Variants in ZNF681 observed in about 807,000 individuals in gnomAD.
ZNF681 encodes the protein zinc finger protein 681.
ZNF681 carries 37 observed loss-of-function variants against 56.0 expected under a neutral mutation model. The observed-to-expected ratio is 0.66, with a 90% CI of 0.51 to 0.87. The LOEUF (loss-of-function observed/expected upper bound fraction) is 0.87, where lower values mean the gene tolerates loss of function less well. ZNF681 is among the 40% of genes least tolerant of loss of function. The probability of loss-of-function intolerance (pLI) is 0.00; values close to 1 mark genes in which losing one functional copy is unlikely to be tolerated. For synonymous variants in ZNF681, 225 were observed against 248.6 expected (o/e 0.91, Z 0.89); for missense variants, 741 against 744.9 (o/e 0.99, Z 0.06).
In ZNF681 at chr19:23,739,276, T is replaced by A. The variant is rs1424089346; in HGVS notation, c.*4336A>T. 1 of 152,048 alleles carries A rather than the reference T, an allele frequency of 6.6e-6. No homozygotes were observed. The highest frequency in any genetic ancestry group is 1.5e-5 in the Non-Finnish European group (1 of 68,024). The allele number at this position is 152,048 out of a possible 1,614,324, so 9.4% of individuals were successfully genotyped here. A position where few individuals can be genotyped will look rare whatever the true frequency, so the allele number is the denominator to read the frequency against. Reference sequence around the variant, plus strand: ...TTTCACTTACATGATTCTAGAAAAATTAATCTAACTGAAGTGGAGAATAAA... The same window carrying A: ...TTTCACTTACATGATTCTAGAAAAAATAATCTAACTGAAGTGGAGAATAAA... On this transcript the variant is annotated 3_prime_UTR_variant, in exon 4 of 4. Transcript: ENST00000402377.
chr19:23,745,265 G>C lies in ZNF681; in HGVS notation c.285C>G (p.Phe95Leu), dbSNP rs1224918527. The change falls in exon 4 of 4, where the codon TTC becomes TTG. Residue 95 changes from phenylalanine (F) to leucine (L), a missense_variant. Physicochemically the swap from Phe to Leu is conservative, Grantham distance 22 (BLOSUM62 0). Transcript: ENST00000402377. ...FSPEQNIKDSFQKVTPRRYGK... is the reference protein window; with the variant it reads ...FSPEQNIKDSLQKVTPRRYGK... ...CATATCTTCTTGGTGTCACTTTTTG[G>C]AAAGAATCTTTTATGTTCTGCTCTG... The C allele has an allele frequency of 6.2e-7, 1 of 1,601,742 alleles. No individual in the cohort carries two copies. The highest frequency in any genetic ancestry group is 2.2e-5 in the East Asian group (1 of 44,748).
chr19:23,758,406 G>A (rs1969157040), intron 1 of ZNF681, among the ~76,000 whole-genome samples: 1 of 152,160 alleles, frequency 6.6e-6, no homozygotes, highest in African/African-American at 2.4e-5. Context: ...GACTAGGAAC[G>A]CCACGGACCA....
At chr19:23,755,315 G>A in intron 2 of ZNF681, 110 bp downstream of exon 2, 1 of 1,339,986 alleles carries the variant, frequency 7.5e-7, no homozygotes, top group Non-Finnish European at 1.0e-6. Context: ...ATAAAAACAG[G>A]GATCTGAAAC....
At position 23,754,835 on chromosome 19, in the gene ZNF681, C is replaced by T. The variant is rs1258234287; in HGVS notation, c.214G>A (p.Ala72Thr). Residue 72 changes from alanine to threonine, a missense_variant, in exon 3 of 4, where the codon GCC (alanine) becomes ACC (threonine). Coordinates refer to ENST00000402377, the MANE Select transcript of ZNF681 (RefSeq NM_138286.3). ...CACTCTCACCTACCTGGGGGTTCGG[C>T]CACCATCCTATGTCTCTTTCTAGTC... Reference protein sequence around the residue: ...PWTRKRHRMVAEPPVICSHFA... With the variant: ...PWTRKRHRMVTEPPVICSHFA... The T allele has an allele frequency of 1.9e-6, 3 of 1,613,918 alleles. No homozygotes were observed. The highest frequency in any genetic ancestry group is 2.5e-6 in the Non-Finnish European group (3 of 1,179,978).
intron 3 of ZNF681, among the ~76,000 whole-genome samples, chr19:23,748,711 C>T (rs760339026): frequency 1.9e-4 from 29 of 151,876 alleles, no homozygotes; most frequent in Middle Eastern, 3.4e-3. Context: ...CTTAAATGGA[C>T]TAATAATTGA....
At chr19:23,745,599 T>C (rs971417870) in intron 3 of ZNF681, among the ~76,000 whole-genome samples, 4 of 151,838 alleles carry the variant, frequency 2.6e-5, no homozygotes, top group Non-Finnish European at 4.4e-5. Flanking sequence ...ATTACAGGCA[T>C]GTGCCACCAT....
chr19:23,756,861 A>C (rs1325410616), intron 1 of ZNF681, among the ~76,000 whole-genome samples: 1 of 152,068 alleles, frequency 6.6e-6, no homozygotes, highest in Non-Finnish European at 1.5e-5. Context: ...ATGATAATAA[A>C]AATTATACAA....
chr19:23,744,358 C>T lies in ZNF681; in HGVS notation c.1192G>A (p.Glu398Lys), dbSNP rs1968910331. The change falls in exon 4 of 4, where the codon GAA becomes AAA. Residue 398 changes from glutamate to lysine, a missense_variant. By Grantham distance (56) the Glu-to-Lys change is moderately conservative. Transcript: ENST00000402377. ...GACTTGTTAAAAGCTTTGCCACATTCTTCACATTTGTAGGGTTTCTCTCCA... is the reference window on the plus strand; with the variant it reads ...GACTTGTTAAAAGCTTTGCCACATTTTTCACATTTGTAGGGTTTCTCTCCA... ...HTGEKPYKCE[E>K]CGKAFNKSSH... 1.2e-6 allele frequency: 2 copies of T among 1,613,700 alleles called. No individual in the cohort carries two copies. Among genetic ancestry groups the T allele is most frequent in the African/African-American group, 1.3e-5 (1 of 74,880 alleles).
Position 23,744,325 on chromosome 19 carries a change from G to A in ZNF681, c.1225C>T (p.Leu409Phe), listed in dbSNP as rs1303013551. ...GTATGAATGCTCTTATGTCTAGTAA[G>A]GTGTGAGGACTTGTTAAAAGCTTTG... The part of the protein sequence containing the change: ...CGKAFNKSSH[L>F]TRHKSIHTGE... Residue 409 changes from leucine to phenylalanine, a missense_variant, in exon 4 of 4, where the codon CTT becomes TTT. Physicochemically the swap from Leu to Phe is conservative, Grantham distance 22. Coordinates refer to ENST00000402377, the MANE Select transcript of ZNF681 (RefSeq NM_138286.3). 3 of 1,613,624 alleles carry A rather than the reference G, an allele frequency of 1.9e-6. No individual in the cohort carries two copies. Among genetic ancestry groups the A allele is most frequent in the Non-Finnish European group, 1.7e-6 (2 of 1,179,924 alleles).
chr19:23,752,372 C>G lies in ZNF681; in HGVS notation c.226+2451G>C, dbSNP rs1409141309. On this transcript the variant is annotated intron_variant, in intron 3 of 3. Coordinates refer to ENST00000402377, the MANE Select transcript of ZNF681 (RefSeq NM_138286.3). ...TTGGCCTTTACTGTGGTCCTTAAAGCAGTTCAATGACTCAGTTTCACATCC... is the reference window on the plus strand; with the variant it reads ...TTGGCCTTTACTGTGGTCCTTAAAGGAGTTCAATGACTCAGTTTCACATCC... Among the ~76,000 whole-genome samples the G allele has an allele frequency of 3.9e-5, 6 of 152,294 alleles. No individual in the cohort carries two copies. The East Asian group carries it at 9.7e-4, about 25-fold the overall frequency.
intron 1 of ZNF681, among the ~76,000 whole-genome samples, chr19:23,755,946 C>T (rs1461283499): frequency 2.0e-5 from 3 of 152,078 alleles, no homozygotes; most frequent in Non-Finnish European, 2.9e-5. Flanking sequence ...GGTGATTCCT[C>T]AAGGATCTAG....
In ZNF681 at chr19:23,746,175, A is replaced by C. The variant is rs530904633; in HGVS notation, c.227-852T>G. Among the ~76,000 whole-genome samples, 3 of 152,162 alleles carry C rather than the reference A, an allele frequency of 2.0e-5. No individual in the cohort carries two copies. In the South Asian group the frequency reaches 6.2e-4, roughly 32 times the overall value. On this transcript the variant is annotated intron_variant, in intron 3 of 3. Coordinates refer to ENST00000402377, the MANE Select transcript of ZNF681 (RefSeq NM_138286.3). The stretch of plus-strand genomic sequence containing the variant: ...ACTTAAAATACAAAATTAGCCAGGC[A>C]TGGTGGTGCATGCCTGTAATCCCAG...
Position 23,743,464 on chromosome 19 carries a change from A to T in ZNF681, c.*148T>A, listed in dbSNP as rs1968894618. 1 of 671,190 alleles carries T rather than the reference A, an allele frequency of 1.5e-6. No individual in the cohort carries two copies. The highest frequency in any genetic ancestry group is 2.3e-6 in the Non-Finnish European group (1 of 444,248). 41.6% of individuals were successfully genotyped at this position (671,190 alleles called of 1,614,324 possible). ...TGTATATTTGAAATTTTTTTCTAGT[A>T]CAAATGCTTTCCTGTGCAATAAGGT... On this transcript the variant is annotated 3_prime_UTR_variant, in exon 4 of 4. Coordinates refer to ENST00000402377, the MANE Select transcript of ZNF681 (RefSeq NM_138286.3).
chr19:23,744,716 TC>T lies in ZNF681; in HGVS notation c.833del (p.Gly278GlufsTer18), dbSNP rs754293971. The stretch of plus-strand genomic sequence containing the variant: ...ATTCTTCACGTTTGTAGGGATTCTC[TC>T]CAGTATGAATTATTGTATGTGTTGT... ...HITTHTIIHT[G>X]ENPYKREECD... On this transcript the variant is annotated frameshift_variant, in exon 4 of 4. Transcript: ENST00000402377. LOFTEE classifies it high-confidence loss of function. The T allele has an allele frequency of 6.2e-7, 1 of 1,614,044 alleles. No individual in the cohort carries two copies. Among genetic ancestry groups the T allele is most frequent in the African/African-American group, 1.3e-5 (1 of 75,040 alleles).
rs541413797 is a variant in ZNF681, at chr19:23,751,169, T to C, written c.226+3654A>G. ...AAAAAAGATCTGGTTTGCAAAACGATGTACCATTAAGAATTTATCTAAATA... is the reference window on the plus strand; with the variant it reads ...AAAAAAGATCTGGTTTGCAAAACGACGTACCATTAAGAATTTATCTAAATA... On this transcript the variant is annotated intron_variant, in intron 3 of 3. Coordinates refer to ENST00000402377, the MANE Select transcript of ZNF681 (RefSeq NM_138286.3). 2.7e-5 allele frequency among the ~76,000 whole-genome samples: 4 copies of C among 146,750 alleles called. No homozygotes were observed. The East Asian group carries it at 8.1e-4, about 30-fold the overall frequency.
intron 1 of ZNF681, among the ~76,000 whole-genome samples, chr19:23,757,728 G>C (rs1969143948): frequency 6.6e-6 from 1 of 152,106 alleles, no homozygotes; most frequent in Non-Finnish European, 1.5e-5. Flanking sequence ...GGTAGGGCCA[G>C]ACCTAAATAA....
Sources: gnomAD v4.1 joint callset for allele counts (sites outside exome capture counted in the v4.1 genomes callset) on GRCh38, gnomAD v4.1.1 for gene constraint, MANE v1.5 for transcripts, NCBI Gene and HGNC (gene_info 2026-07-23, HGNC 2026-07-21) for gene names.